TMEM132C: variants seen among roughly 807,000 people sequenced by gnomAD.
The protein encoded by TMEM132C is protein phosphatase 1, regulatory subunit 152.
A neutral mutation model predicts 61.4 loss-of-function variants in TMEM132C; 29 were observed. The observed-to-expected ratio is 0.47, with a 90% confidence interval of 0.35 to 0.64. TMEM132C has a LOEUF of 0.64. Ranked by LOEUF, TMEM132C falls within the 30% of genes least tolerant of loss-of-function variation. The pLI, the probability that TMEM132C is intolerant of heterozygous loss-of-function variation, is 0.00. For missense variants in TMEM132C, 1,408 were observed against 1,476.9 expected, an observed-to-expected ratio of 0.95 and a Z score of 0.76; for synonymous variants, 656 against 633.1, an observed-to-expected ratio of 1.04 and a Z score of -0.54.
chr12:128,576,240 G>C (rs546293511), intron 3 of TMEM132C, among the ~76,000 whole-genome samples: 1 of 147,316 alleles, frequency 6.8e-6, no homozygotes, highest in Non-Finnish European at 1.5e-5. Context: ...GGTACAGAGC[G>C]AGACTCTGAA....
chr12:128,499,893 A>C (rs971915375), intron 2 of TMEM132C, among the ~76,000 whole-genome samples: 1 of 152,112 alleles, frequency 6.6e-6, no homozygotes, highest in African/African-American at 2.4e-5. Flanking sequence ...TTTCTTTTGG[A>C]TATATACCCA....
intron 2 of TMEM132C, among the ~76,000 whole-genome samples, chr12:128,459,793 G>T (rs911257295): frequency 2.6e-5 from 4 of 151,190 alleles, no homozygotes; most frequent in African/African-American, 9.8e-5. Context: ...GCTGAGGCAG[G>T]GGAATCACTT....
At chr12:128,309,012 G>A (rs1246292508) in intron 1 of TMEM132C, among the ~76,000 whole-genome samples, 3 of 152,080 alleles carry the variant, frequency 2.0e-5, no homozygotes. Flanking sequence ...GGGGATATTT[G>A]GGGTGTCTGT....
intron 1 of TMEM132C, among the ~76,000 whole-genome samples, chr12:128,332,735 C>T (rs1356245121): frequency 6.6e-6 from 1 of 152,200 alleles, no homozygotes; most frequent in African/African-American, 2.4e-5. Context: ...CACTGTGGAC[C>T]TGAGTGGGTG....
Position 128,693,994 on chromosome 12 carries a change from C to G in TMEM132C, c.1615C>G (p.Gln539Glu). 2 of 1,551,722 alleles carry G rather than the reference C, an allele frequency of 1.3e-6. No homozygotes were observed. The highest frequency in any genetic ancestry group is 1.7e-6 in the Non-Finnish European group (2 of 1,147,002). ...QIEVSDTELS[Q>E]IKGWRVPIVT... is the part of the protein sequence containing the mutation. ...CGAGGTCTCTGACACGGAGCTCAGC[C>G]AGATAAAGGGCTGGAGGGTCCCCAT... The change falls in exon 6 of 9, where the codon CAG becomes GAG. Residue 539 changes from glutamine to glutamate, a missense_variant. Transcript: ENST00000435159.
intron 3 of TMEM132C, among the ~76,000 whole-genome samples, chr12:128,549,640 C>T (rs1217197028): frequency 1.3e-5 from 2 of 152,082 alleles, no homozygotes; most frequent in African/African-American, 2.4e-5. Flanking sequence ...GTCCCAAATA[C>T]GAACTCACAC....
At chr12:128,337,261 C>T (rs1266005690) in intron 1 of TMEM132C, among the ~76,000 whole-genome samples, 1 of 151,870 alleles carries the variant, frequency 6.6e-6, no homozygotes, top group Non-Finnish European at 1.5e-5. Context: ...TTATTATATT[C>T]AATGGGGGAA....
chr12:128,433,049 G>A (rs1869446843), intron 2 of TMEM132C, among the ~76,000 whole-genome samples: 1 of 151,110 alleles, frequency 6.6e-6, no homozygotes. Context: ...AAATAAAATT[G>A]TGACTTGTTA....
intron 2 of TMEM132C, among the ~76,000 whole-genome samples, chr12:128,452,746 T>G (rs940166166): frequency 1.3e-5 from 2 of 151,944 alleles, no homozygotes; most frequent in African/African-American, 4.8e-5. Flanking sequence ...GTTTCCAGAA[T>G]GTGATTTGTG....
At chr12:128,521,990 T>A (rs1489152678) in intron 2 of TMEM132C, among the ~76,000 whole-genome samples, 1 of 152,184 alleles carries the variant, frequency 6.6e-6, no homozygotes, top group Non-Finnish European at 1.5e-5. Flanking sequence ...TGTAGCTAAA[T>A]ACATGAGGTC....
intron 2 of TMEM132C, among the ~76,000 whole-genome samples, chr12:128,481,354 A>G (rs1401953564): frequency 6.6e-6 from 1 of 152,108 alleles, no homozygotes; most frequent in Non-Finnish European, 1.5e-5. Context: ...GGTTGCTCAT[A>G]TGCCAGGAAT....
Position 128,700,617 on chromosome 12 carries a change from A to G in TMEM132C, c.2121+3202A>G, listed in dbSNP as rs77236586. On this transcript the variant is annotated intron_variant, in intron 8 of 8. Coordinates refer to ENST00000435159, the MANE Select transcript of TMEM132C (RefSeq NM_001136103.3). ...AGAAGGCTGGCACCTTGTTCATGAT[A>G]TTTTCAACTTTGAAATAGAAAATCT... 4.6e-5 allele frequency among the ~76,000 whole-genome samples: 7 copies of G among 152,308 alleles called. No homozygotes were observed. The East Asian group carries it at 1.4e-3, about 29-fold the overall frequency.
rs1483093971 is a variant in TMEM132C at position 128,575,914 on chromosome 12, T to G, written c.1121+31811T>G. ...TTTCCTACAATATGTGGCCACTAAG[T>G]TATCTGCAGCTGATATCTTGCACCT... is the stretch of plus-strand genomic sequence containing the variant. On this transcript the variant is annotated intron_variant, in intron 3 of 8. Coordinates refer to ENST00000435159, the MANE Select transcript of TMEM132C (RefSeq NM_001136103.3). Among the ~76,000 whole-genome samples the G allele has an allele frequency of 3.3e-5, 5 of 152,208 alleles. No individual in the cohort carries two copies. The East Asian group carries it at 9.6e-4, about 29-fold the overall frequency.
intron 4 of TMEM132C, among the ~76,000 whole-genome samples, chr12:128,629,372 G>T (rs558299504): frequency 2.1e-4 from 32 of 152,248 alleles, no homozygotes; most frequent in African/African-American, 7.0e-4. Flanking sequence ...TTTTAAAAAT[G>T]AGGCGGGAGG....
intron 1 of TMEM132C, among the ~76,000 whole-genome samples, chr12:128,345,771 T>G (rs1873140660): frequency 6.6e-6 from 1 of 152,140 alleles, no homozygotes; most frequent in Admixed American, 6.6e-5. Flanking sequence ...GTTTGTTTTT[T>G]TTTCTTGTAA....
chr12:128,472,185 A>G (rs1055439702), intron 2 of TMEM132C, among the ~76,000 whole-genome samples: 8 of 152,290 alleles, frequency 5.3e-5, no homozygotes, highest in South Asian at 2.1e-4. Context: ...TCTGGGCTAC[A>G]TAATAACTCG....
At chr12:128,486,172 C>T (rs1407300286) in intron 2 of TMEM132C, among the ~76,000 whole-genome samples, 2 of 152,168 alleles carry the variant, frequency 1.3e-5, no homozygotes, top group Admixed American at 6.5e-5. Flanking sequence ...GGTGGGGACA[C>T]GTTCGTAGGC....
chr12:128,505,853 G>T (rs1351694202), intron 2 of TMEM132C, among the ~76,000 whole-genome samples: 1 of 152,276 alleles, frequency 6.6e-6, no homozygotes, highest in East Asian at 1.9e-4. Context: ...CAGCTCTGAG[G>T]AGGGAGGTCA....
At chr12:128,434,359 G>T (rs137967432) in intron 2 of TMEM132C, among the ~76,000 whole-genome samples, 1 of 152,132 alleles carries the variant, frequency 6.6e-6, no homozygotes, top group Admixed American at 6.5e-5. Flanking sequence ...GGAGTGCATT[G>T]GTGCGACCTC....
Sources: gnomAD v4.1 joint callset for allele counts (sites outside exome capture counted in the v4.1 genomes callset) on GRCh38, gnomAD v4.1.1 for gene constraint, MANE v1.5 for transcripts, NCBI Gene and HGNC (gene_info 2026-07-23, HGNC 2026-07-21) for gene names.